The following SHISA9 variants were observed in gnomAD, a reference collection of about 807,000 sequenced individuals.
The protein encoded by SHISA9 is protein shisa-9.
Under a neutral mutation model 38.0 loss-of-function variants are expected in SHISA9, and 13 were observed. The observed-to-expected ratio is 0.34, with a 90% confidence interval of 0.22 to 0.54. The LOEUF is 0.54. Among genes scored for constraint, SHISA9 ranks in the 20% least tolerant of loss-of-function variants. The probability of loss-of-function intolerance (pLI) is 0.91; values close to 1 mark genes in which losing one functional copy is unlikely to be tolerated. For missense variants in SHISA9, 538 were observed against 575.8 expected (o/e 0.93, Z 0.67); for synonymous variants, 275 against 242.0 (o/e 1.14, Z -1.27).
the SHISA9 span, among the ~76,000 whole-genome samples, chr16:13,453,136 C>G: frequency 6.6e-6 from 1 of 152,072 alleles, no homozygotes; most frequent in East Asian, 1.9e-4. Context: ...GATCTGCCTG[C>G]CTCAGCCTCC....
At chr16:12,966,625 A>C (rs990732917) in intron 2 of SHISA9, among the ~76,000 whole-genome samples, 1 of 152,228 alleles carries the variant, frequency 6.6e-6, no homozygotes, top group African/African-American at 2.4e-5. Context: ...TTAGGAAGCC[A>C]AGGTACAAAA....
chr16:13,367,712 G>GCGCACACACACA, the SHISA9 span, among the ~76,000 whole-genome samples: 323 of 104,674 alleles, frequency 3.1e-3, 2 homozygotes, highest in East Asian at 0.011. Context: ...GCGCGCGCGC[G>GCGCACACACACA]CACACACACA....
At chr16:13,116,485 T>C (rs561395314) in intron 2 of SHISA9, among the ~76,000 whole-genome samples, 1 of 152,264 alleles carries the variant, frequency 6.6e-6, no homozygotes, top group East Asian at 1.9e-4. Flanking sequence ...TTTGAGAAGG[T>C]GCAGCAGGGA....
intron 2 of SHISA9, among the ~76,000 whole-genome samples, chr16:12,976,488 G>A (rs2072163505): frequency 6.6e-6 from 1 of 152,152 alleles, no homozygotes; most frequent in Non-Finnish European, 1.5e-5. Flanking sequence ...AAAGGTTTGA[G>A]ACTGAGCATT....
the SHISA9 span, among the ~76,000 whole-genome samples, chr16:13,367,035 A>G: frequency 6.6e-6 from 1 of 151,698 alleles, no homozygotes; most frequent in South Asian, 2.1e-4. Context: ...ATCTGGGTTA[A>G]TATATGTGTA....
intron 2 of SHISA9, among the ~76,000 whole-genome samples, chr16:12,972,041 TTG>T (rs72368949): frequency 0.13 from 17,868 of 141,886 alleles, 1,425 homozygotes; most frequent in African/African-American, 0.23. Flanking sequence ...CTCTTGGAGT[TTG>T]TGTGTGTGTG....
At chr16:13,001,848 T>G (rs2072529848) in intron 2 of SHISA9, among the ~76,000 whole-genome samples, 4 of 152,024 alleles carry the variant, frequency 2.6e-5, no homozygotes, top group Admixed American at 2.6e-4. Context: ...AAAATCAATA[T>G]GGGTTGATGA....
chr16:13,448,936 T>C, the SHISA9 span, among the ~76,000 whole-genome samples: 1 of 152,200 alleles, frequency 6.6e-6, no homozygotes, highest in African/African-American at 2.4e-5. Context: ...GAATATGTAA[T>C]TTTTTAGCCC....
chr16:13,470,013 G>C, the SHISA9 span, among the ~76,000 whole-genome samples: 2 of 152,178 alleles, frequency 1.3e-5, no homozygotes, highest in South Asian at 2.1e-4. Context: ...ATTGTAGCCA[G>C]TTCTCTCTTC....
At chr16:13,300,451 C>G in the SHISA9 span, among the ~76,000 whole-genome samples, 1 of 152,088 alleles carries the variant, frequency 6.6e-6, no homozygotes. Context: ...TTTCCCTCGA[C>G]CTACTCTGTG....
In SHISA9 at chr16:12,901,778, C is replaced by A. The variant is rs1376179062; in HGVS notation, c.-287C>A. On this transcript the variant is annotated 5_prime_UTR_variant, in exon 1 of 5. Transcript: ENST00000558583. ...CCCAGTGGCCGGCCGGACCTGCACC[C>A]CGCGCTTGACCCCGCTCATCCTCCC... 5.4e-5 allele frequency: 8 copies of A among 147,762 alleles called. No homozygotes were observed. Among genetic ancestry groups the A allele is most frequent in the African/African-American group, 1.7e-4 (7 of 40,408 alleles). The allele number at this position is 147,762 out of a possible 1,614,324, so 9.2% of individuals were successfully genotyped here.
At position 12,943,159 on chromosome 16, in the gene SHISA9, G is replaced by C. The variant is rs140692590; in HGVS notation, c.691+26344G>C. Among the ~76,000 whole-genome samples the C allele has an allele frequency of 6.2e-3, 946 of 152,200 alleles. 7 individuals are homozygous for C. The highest frequency in any genetic ancestry group is 0.022 in the African/African-American group (916 of 41,534). ...ATTCCTGCACCAGTCACTGTGACGAGGGGAGGTGGTGCTCTGATTGGTTGG... is the reference window on the plus strand; with the variant it reads ...ATTCCTGCACCAGTCACTGTGACGACGGGAGGTGGTGCTCTGATTGGTTGG... On this transcript the variant is annotated intron_variant, in intron 2 of 4. Transcript: ENST00000558583.
chr16:12,926,849 G>A (rs1170757921), intron 2 of SHISA9, among the ~76,000 whole-genome samples: 1 of 152,148 alleles, frequency 6.6e-6, no homozygotes, highest in Non-Finnish European at 1.5e-5. Context: ...ACTGAGGGGA[G>A]GACTATTTGT....
the SHISA9 span, among the ~76,000 whole-genome samples, chr16:13,366,964 C>T: frequency 8.6e-6 from 1 of 115,902 alleles, no homozygotes; most frequent in Non-Finnish European, 1.7e-5. Flanking sequence ...GCATGGGCAA[C>T]AGGGTGAGGC....
chr16:13,505,792 A>T, the SHISA9 span, among the ~76,000 whole-genome samples: 1 of 152,242 alleles, frequency 6.6e-6, no homozygotes, highest in Admixed American at 6.5e-5. Context: ...TTGTCTTAAC[A>T]GAACAAATCA....
At chr16:13,101,808 A>G (rs1020623685) in intron 2 of SHISA9, among the ~76,000 whole-genome samples, 1 of 152,166 alleles carries the variant, frequency 6.6e-6, no homozygotes, top group South Asian at 2.1e-4. Flanking sequence ...TGTCTTTTTG[A>G]TAATACCCAT....
At chr16:13,384,669 C>T in the SHISA9 span, among the ~76,000 whole-genome samples, 3 of 152,148 alleles carry the variant, frequency 2.0e-5, no homozygotes, top group Admixed American at 2.0e-4. Flanking sequence ...CTGGCAAGAG[C>T]GTTTTCTTCC....
At chr16:13,070,466 C>T (rs908026111) in intron 2 of SHISA9, among the ~76,000 whole-genome samples, 9 of 152,198 alleles carry the variant, frequency 5.9e-5, no homozygotes, top group African/African-American at 1.9e-4. Context: ...GTCCTCATTC[C>T]CCTTTGGGGG....
At chr16:13,414,215 CA>C in the SHISA9 span, among the ~76,000 whole-genome samples, 1 of 152,120 alleles carries the variant, frequency 6.6e-6, no homozygotes, top group Non-Finnish European at 1.5e-5. Context: ...ATTTAGTAAA[CA>C]GGAGGAAAAC....
Sources: allele counts gnomAD v4.1 joint callset (sites outside exome capture counted in the v4.1 genomes callset), GRCh38; gene constraint gnomAD v4.1.1; transcripts MANE v1.5; gene names NCBI Gene and HGNC (gene_info 2026-07-23, HGNC 2026-07-21).